Variants in TMEM117 observed in about 807,000 individuals in gnomAD.
TMEM117 encodes transmembrane protein 117.
TMEM117 carries 27 observed loss-of-function variants against 52.4 expected under a neutral mutation model. The observed-to-expected ratio is 0.51, with a 90% CI of 0.38 to 0.71. The LOEUF is 0.71. Among genes scored for constraint, TMEM117 ranks in the 30% least tolerant of loss-of-function variants. TMEM117 has a pLI of 0.00. For missense variants in TMEM117, 556 were observed against 630.5 expected (o/e 0.88, Z 1.26); for synonymous variants, 215 against 206.3 (o/e 1.04, Z -0.36).
chr12:43,832,705 G>A (rs1007013914), upstream of TMEM117, among the ~76,000 whole-genome samples: 1 of 152,112 alleles, frequency 6.6e-6, no homozygotes, highest in Non-Finnish European at 1.5e-5. Flanking sequence ...AAGATGAGAG[G>A]TTAAAACGTG....
At chr12:44,289,680 G>A (rs1049730235) in intron 5 of TMEM117, among the ~76,000 whole-genome samples, 3 of 151,296 alleles carry the variant, frequency 2.0e-5, no homozygotes, top group African/African-American at 7.3e-5. Context: ...AGCCTCCCGA[G>A]TAACTGGGAT....
chr12:43,997,691 G>A (rs191124312), intron 3 of TMEM117, among the ~76,000 whole-genome samples: 27 of 152,040 alleles, frequency 1.8e-4, no homozygotes, highest in South Asian at 4.1e-4. Context: ...CATGGGCCTC[G>A]CATGAATTAG....
intron 3 of TMEM117, among the ~76,000 whole-genome samples, chr12:44,015,778 T>G (rs765503351): frequency 1.3e-5 from 2 of 152,218 alleles, no homozygotes; most frequent in Non-Finnish European, 1.5e-5. Flanking sequence ...TGACACAGAT[T>G]TGTTTGTTAT....
chr12:43,971,236 A>G (rs561186412), intron 3 of TMEM117, among the ~76,000 whole-genome samples: 1 of 152,296 alleles, frequency 6.6e-6, no homozygotes, highest in Admixed American at 6.5e-5. Flanking sequence ...GGATTACTGC[A>G]ACAATTGCCC....
the TMEM117 span, among the ~76,000 whole-genome samples, chr12:43,806,913 T>A: frequency 3.3e-4 from 50 of 152,344 alleles, no homozygotes; most frequent in Admixed American, 5.2e-4. Context: ...ACTAAGAGAT[T>A]AGCTGATTTG....
Position 43,846,501 on chromosome 12 carries a change from G to A in TMEM117, c.277+1573G>A, listed in dbSNP as rs993730764. On this transcript the variant is annotated intron_variant, in intron 2 of 7. Transcript: ENST00000266534. Reference sequence around the variant, plus strand: ...TTTGGTTCCCACCTCTGAACTAACCGATTTTTGCCTAGAGGTAGGTGGTAT... The same window carrying A: ...TTTGGTTCCCACCTCTGAACTAACCAATTTTTGCCTAGAGGTAGGTGGTAT... Among the ~76,000 whole-genome samples, 5 of 152,260 alleles carry A rather than the reference G, an allele frequency of 3.3e-5. No individual in the cohort carries two copies. In the South Asian group the frequency reaches 1.0e-3, roughly 32 times the overall value.
chr12:44,350,407 T>G (rs924475657), intron 6 of TMEM117, among the ~76,000 whole-genome samples: 1 of 152,000 alleles, frequency 6.6e-6, no homozygotes, highest in Non-Finnish European at 1.5e-5. Context: ...TCCAACTATA[T>G]TTTTTAGTTA....
intron 3 of TMEM117, among the ~76,000 whole-genome samples, chr12:44,115,533 G>A (rs575766219): frequency 6.7e-6 from 1 of 149,398 alleles, no homozygotes; most frequent in African/African-American, 2.5e-5. Flanking sequence ...GACTCAAATA[G>A]TATGGGATTT....
At chr12:44,213,216 G>C (rs940560158) in intron 5 of TMEM117, among the ~76,000 whole-genome samples, 1 of 152,120 alleles carries the variant, frequency 6.6e-6, no homozygotes, top group Non-Finnish European at 1.5e-5. Context: ...AATCCCATAA[G>C]ATAGGTGCTA....
chr12:44,377,456 T>C (rs1951958124), intron 7 of TMEM117, among the ~76,000 whole-genome samples: 1 of 152,204 alleles, frequency 6.6e-6, no homozygotes, highest in African/African-American at 2.4e-5. Flanking sequence ...AGTGATTCTC[T>C]TGTGGATCTT....
chr12:44,243,753 T>C (rs1049676353), intron 5 of TMEM117, among the ~76,000 whole-genome samples: 1 of 151,842 alleles, frequency 6.6e-6, no homozygotes, highest in African/African-American at 2.4e-5. Flanking sequence ...TTTGAACCTT[T>C]TGACTGACAT....
chr12:44,211,139 T>G (rs899915300), intron 4 of TMEM117, 151 bp from the exon 5 acceptor site: 1 of 625,900 alleles, frequency 1.6e-6, no homozygotes, highest in African/African-American at 1.9e-5. Flanking sequence ...TTTAATTGAA[T>G]GAAGTATATC....
chr12:44,035,280 C>A (rs1358106752), intron 3 of TMEM117, among the ~76,000 whole-genome samples: 1 of 152,144 alleles, frequency 6.6e-6, no homozygotes, highest in Admixed American at 6.5e-5. Context: ...TCTGGATGGT[C>A]TCGTTTTTCT....
At position 43,996,926 on chromosome 12, in the gene TMEM117, G is replaced by A. The variant is rs1242685203; in HGVS notation, c.410+52584G>A. 3.3e-5 allele frequency among the ~76,000 whole-genome samples: 5 copies of A among 152,258 alleles called. No homozygotes were observed. In the East Asian group the frequency reaches 9.7e-4, roughly 29 times the overall value. ...GGCATATTTGTTGGTGTCAGTAAGA[G>A]GAAATTAAGTTGACAATATAGAGAG... On this transcript the variant is annotated intron_variant, in intron 3 of 7. Transcript: ENST00000266534.
chr12:44,266,829 G>A (rs1337921361), intron 5 of TMEM117, among the ~76,000 whole-genome samples: 1 of 152,054 alleles, frequency 6.6e-6, no homozygotes, highest in Non-Finnish European at 1.5e-5. Flanking sequence ...TTTTGCATGT[G>A]ATTTTCCAGT....
chr12:44,385,809 A>G (rs902703166), intron 7 of TMEM117, among the ~76,000 whole-genome samples: 8 of 152,064 alleles, frequency 5.3e-5, no homozygotes, highest in African/African-American at 1.9e-4. Flanking sequence ...TTAATACTGG[A>G]TAAGAATCTC....
In TMEM117 at chr12:44,049,569, G is replaced by C. The variant is rs184183120; in HGVS notation, c.411-93956G>C. ...TAAAAAACATTAAAAAAAAAAAAAAGAAATGCCTGGGTTAGTCCCTATCTA... is the reference window on the plus strand; with the variant it reads ...TAAAAAACATTAAAAAAAAAAAAAACAAATGCCTGGGTTAGTCCCTATCTA... On this transcript the variant is annotated intron_variant, in intron 3 of 7. Coordinates refer to ENST00000266534, the MANE Select transcript of TMEM117 (RefSeq NM_032256.3). Among the ~76,000 whole-genome samples the C allele has an allele frequency of 7.1e-3, 1,019 of 144,514 alleles. 15 individuals carry two copies. Among genetic ancestry groups the C allele is most frequent in the East Asian group, 0.042 (209 of 4,944 alleles). The allele number at this position is 144,514 out of a possible 152,430, so 94.8% of individuals were successfully genotyped here.
chr12:44,108,219 T>C (rs923756652), intron 3 of TMEM117, among the ~76,000 whole-genome samples: 2 of 151,910 alleles, frequency 1.3e-5, no homozygotes, highest in East Asian at 3.9e-4. Flanking sequence ...TTATTTTTTA[T>C]TATACTCTAA....
intron 2 of TMEM117, among the ~76,000 whole-genome samples, chr12:43,942,114 A>C (rs1945053123): frequency 6.6e-6 from 1 of 152,228 alleles, no homozygotes. Flanking sequence ...GACTTGCAGC[A>C]AAGGGGCCCC....
Sources: gnomAD v4.1 joint callset for allele counts (sites outside exome capture counted in the v4.1 genomes callset) on GRCh38, gnomAD v4.1.1 for gene constraint, MANE v1.5 for transcripts, NCBI Gene and HGNC (gene_info 2026-07-23, HGNC 2026-07-21) for gene names.